Variants in SMPX observed in about 807,000 individuals in gnomAD.
SMPX encodes small muscular protein.
SMPX carries 2 observed loss-of-function variants against 6.3 expected under a neutral mutation model. The ratio of observed to expected loss-of-function variants is 0.32; its 90% CI spans 0.13 to 0.99. The LOEUF (loss-of-function observed/expected upper bound fraction) is 0.99, where lower values mean the gene tolerates loss of function less well. Ranked by LOEUF, SMPX falls within the 50% of genes least tolerant of loss-of-function variation. The pLI is 0.49. For synonymous variants in SMPX, 32 were observed against 24.7 expected, an observed-to-expected ratio of 1.30 and a Z score of -0.88; for missense variants, 60 against 66.8, an observed-to-expected ratio of 0.90 and a Z score of 0.36.
chrX:21,711,142 T>C (rs2092778297), intron 4 of SMPX, among the ~76,000 whole-genome samples: 1 of 112,144 alleles, frequency 8.9e-6, no homozygotes. Flanking sequence ...GGACTCAGCA[T>C]GTGCTCGGGA....
chrX:21,728,115 G>T (rs946648274), intron 4 of SMPX, among the ~76,000 whole-genome samples: 1 of 110,361 alleles, frequency 9.1e-6, no homozygotes, highest in Non-Finnish European at 1.9e-5. Flanking sequence ...CTGCAGTTTT[G>T]TCAGCACTGG....
chrX:21,743,757 A>G lies in SMPX; in HGVS notation c.125T>C (p.Val42Ala), dbSNP rs1438172699. 1 of 1,203,780 alleles carries G rather than the reference A, an allele frequency of 8.3e-7. No homozygotes were observed. Among genetic ancestry groups the G allele is most frequent in the East Asian group, 3.0e-5 (1 of 33,798 alleles). The change falls in exon 3 of 5, where the codon GTG becomes GCG. Residue 42 changes from valine (V) to alanine (A), a missense_variant. Val to Ala is a moderately conservative substitution (Grantham distance 64). Transcript: ENST00000379494. ...GAGCTGAGTTTTCCTCACCTCCTCC[A>G]CTTCAGGAGTACATTCTTTTCTTCT... ...PPRRKECTPE[V>A]EEGVPPTSDE... is the part of the protein sequence containing the mutation.
intron 4 of SMPX, among the ~76,000 whole-genome samples, chrX:21,708,201 T>C (rs1463517364): frequency 8.9e-6 from 1 of 112,410 alleles, no homozygotes; most frequent in Non-Finnish European, 1.9e-5. Context: ...TACACAAGGA[T>C]ATTCCCCCTG....
chrX:21,731,035 T>C (rs1043945859), intron 4 of SMPX, among the ~76,000 whole-genome samples: 27 of 111,494 alleles, frequency 2.4e-4, no homozygotes, highest in African/African-American at 7.8e-4. Flanking sequence ...ACTGCTTTCA[T>C]TGCATCTTAT....
At chrX:21,722,112 G>A (rs1402271079) in intron 4 of SMPX, among the ~76,000 whole-genome samples, 5 of 110,938 alleles carry the variant, frequency 4.5e-5, no homozygotes, top group African/African-American at 9.9e-5. Flanking sequence ...CATGAGCCAC[G>A]ATCATACCAC....
chrX:21,731,992 G>T (rs1369598526), intron 4 of SMPX, among the ~76,000 whole-genome samples: 2 of 110,274 alleles, frequency 1.8e-5, no homozygotes, highest in African/African-American at 6.6e-5. Context: ...TCCTTCATTT[G>T]TGTTGGTTTT....
chrX:21,736,724 C>T (rs1216520592), intron 4 of SMPX, among the ~76,000 whole-genome samples: 1 of 111,380 alleles, frequency 9.0e-6, no homozygotes, highest in Non-Finnish European at 1.9e-5. Flanking sequence ...CTCCTCTAGA[C>T]TTAAATTTCT....
chrX:21,731,551 A>ACACG lies in SMPX; in HGVS notation c.*14+5997_*14+5998insCGTG, dbSNP rs1332352423. ...ACATACACATTATGTGTGTATGTGT[A>ACACG]TATATACACATTATGTGTATATGTG... is the stretch of plus-strand genomic sequence containing the variant. On this transcript the variant is annotated intron_variant, in intron 4 of 4. Transcript: ENST00000379494. 7.5e-4 allele frequency among the ~76,000 whole-genome samples: 57 copies of ACACG among 76,151 alleles called. 10 individuals carry two copies. In the South Asian group the frequency reaches 0.011, roughly 15 times the overall value. 66.1% of individuals were successfully genotyped at this position (76,151 alleles called of 115,157 possible).
intron 4 of SMPX, among the ~76,000 whole-genome samples, chrX:21,718,105 A>AT (rs961295301): frequency 8.9e-6 from 1 of 112,070 alleles, no homozygotes; most frequent in African/African-American, 3.3e-5. Flanking sequence ...TTGGTTTTGT[A>AT]TTTTTTGAAA....
At chrX:21,737,765 G>A in intron 3 of SMPX, 68 bp from the exon 4 acceptor site, 2 of 1,065,871 alleles carry the variant, frequency 1.9e-6, no homozygotes, top group Admixed American at 4.5e-5. Context: ...CCATAAGCAT[G>A]AACCAGAAAA....
At chrX:21,718,993 T>C (rs2092788398) in intron 4 of SMPX, among the ~76,000 whole-genome samples, 1 of 112,184 alleles carries the variant, frequency 8.9e-6, no homozygotes, top group Non-Finnish European at 1.9e-5. Flanking sequence ...CAGTTTTGAG[T>C]TGTGCACTTT....
At chrX:21,734,847 A>G (rs2092808859) in intron 4 of SMPX, among the ~76,000 whole-genome samples, 1 of 111,801 alleles carries the variant, frequency 8.9e-6, no homozygotes, top group Admixed American at 9.5e-5. Flanking sequence ...AGGGCATGGA[A>G]AGAATCTGAA....
Position 21,706,293 on chromosome X carries a change from G to C in SMPX, c.*116C>G. On this transcript the variant is annotated 3_prime_UTR_variant, in exon 5 of 5. Transcript: ENST00000379494. ...ATGTACAAACAGGCCATTTCTGCTA[G>C]AGTCTCAGGCATTCAGGAGGTTCAC... 1 of 496,530 alleles carries C rather than the reference G, an allele frequency of 2.0e-6. No homozygotes were observed. Among genetic ancestry groups the C allele is most frequent in the Non-Finnish European group, 3.6e-6 (1 of 276,366 alleles). 40.9% of individuals were successfully genotyped at this position (496,530 alleles called of 1,213,427 possible).
chrX:21,757,536 T>C (rs1234223882), intron 1 of SMPX, among the ~76,000 whole-genome samples: 3 of 111,975 alleles, frequency 2.7e-5, no homozygotes, highest in African/African-American at 9.7e-5. Flanking sequence ...CTGGCAATAA[T>C]TTGCATTTTG....
chrX:21,724,918 G>A (rs2092795337), intron 4 of SMPX, among the ~76,000 whole-genome samples: 1 of 111,824 alleles, frequency 8.9e-6, no homozygotes, highest in Non-Finnish European at 1.9e-5. Flanking sequence ...AAGAGCAAGG[G>A]TTTGTTAATA....
At chrX:21,752,197 G>A (rs2092828093) in intron 2 of SMPX, among the ~76,000 whole-genome samples, 1 of 111,364 alleles carries the variant, frequency 9.0e-6, no homozygotes, top group African/African-American at 3.3e-5. Flanking sequence ...AATATATCAA[G>A]GTCAAAATTA....
At chrX:21,725,696 T>C (rs192654838) in intron 4 of SMPX, among the ~76,000 whole-genome samples, 19 of 112,286 alleles carry the variant, frequency 1.7e-4, no homozygotes, top group African/African-American at 5.5e-4. Context: ...AAGAGGACAG[T>C]TGCAGGTTAG....
intron 2 of SMPX, among the ~76,000 whole-genome samples, chrX:21,746,659 T>G (rs1414932497): frequency 9.3e-6 from 1 of 107,962 alleles, no homozygotes; most frequent in African/African-American, 3.4e-5. Context: ...GGTTTTTTTT[T>G]TTTTTTTTTT....
intron 4 of SMPX, among the ~76,000 whole-genome samples, chrX:21,715,584 G>A (rs1602098833): frequency 9.0e-6 from 1 of 111,174 alleles, no homozygotes; most frequent in Non-Finnish European, 1.9e-5. Flanking sequence ...TTAAACTGCA[G>A]ATTCTGACTC....
Sources: gnomAD v4.1 joint callset for allele counts (sites outside exome capture counted in the v4.1 genomes callset) on GRCh38, gnomAD v4.1.1 for gene constraint, MANE v1.5 for transcripts, NCBI Gene and HGNC (gene_info 2026-07-23, HGNC 2026-07-21) for gene names.